Variants in SGCD observed in about 807,000 individuals in gnomAD.
SGCD encodes the protein delta-sarcoglycan.
Under a neutral mutation model 36.6 loss-of-function variants are expected in SGCD, and 18 were observed. The ratio of observed to expected loss-of-function variants is 0.49; its 90% CI spans 0.34 to 0.73. The LOEUF is 0.73. Among genes scored for constraint, SGCD ranks in the 30% least tolerant of loss-of-function variants. The pLI is 0.01. For synonymous variants in SGCD, 133 were observed against 130.6 expected (o/e 1.02, Z -0.12); for missense variants, 387 against 346.7 (o/e 1.12, Z -0.92).
At chr5:156,421,798 T>A (rs1393552586) in intron 3 of SGCD, among the ~76,000 whole-genome samples, 3 of 152,082 alleles carry the variant, frequency 2.0e-5, no homozygotes, top group Non-Finnish European at 4.4e-5. Context: ...TTATTGCCTT[T>A]GGAAAGATTT....
intron 1 of SGCD, among the ~76,000 whole-genome samples, chr5:155,922,797 A>G (rs1039075999): frequency 6.6e-6 from 1 of 152,164 alleles, no homozygotes; most frequent in African/African-American, 2.4e-5. Flanking sequence ...TTAGCCCCCA[A>G]AGAAAAGTTG....
At chr5:156,574,075 T>C (rs1047660264) in intron 4 of SGCD, among the ~76,000 whole-genome samples, 1 of 152,174 alleles carries the variant, frequency 6.6e-6, no homozygotes, top group Non-Finnish European at 1.5e-5. Context: ...CTGTTTTGCA[T>C]ATATCGTCTT....
rs369275327 is a variant in SGCD at position 156,707,735 on chromosome 5, G to A, written c.576-49846G>A. ...GATAGACACTCATTACAGGGAAACTGAAAAATAACTTTTAAACGCCATTTT... is the reference window on the plus strand; with the variant it reads ...GATAGACACTCATTACAGGGAAACTAAAAAATAACTTTTAAACGCCATTTT... On this transcript the variant is annotated intron_variant, in intron 7 of 8. Coordinates refer to ENST00000337851, the MANE Select transcript of SGCD (RefSeq NM_000337.6). Among the ~76,000 whole-genome samples, 117 of 152,234 alleles carry A rather than the reference G, an allele frequency of 7.7e-4. No individual in the cohort carries two copies. In the East Asian group the frequency reaches 0.015, roughly 20 times the overall value.
intron 6 of SGCD, among the ~76,000 whole-genome samples, chr5:156,646,578 A>G (rs1195723219): frequency 5.9e-5 from 9 of 152,216 alleles, no homozygotes; most frequent in Admixed American, 5.9e-4. Context: ...GAGGATTACA[A>G]AAATTCACAC....
intron 3 of SGCD, among the ~76,000 whole-genome samples, chr5:156,481,619 G>C (rs1254588949): frequency 6.6e-6 from 1 of 152,046 alleles, no homozygotes; most frequent in Non-Finnish European, 1.5e-5. Flanking sequence ...TTTCTTATCT[G>C]CATCTATCAG....
At chr5:156,267,994 C>T (rs1561592252) in intron 3 of SGCD, among the ~76,000 whole-genome samples, 1 of 152,300 alleles carries the variant, frequency 6.6e-6, no homozygotes, top group South Asian at 2.1e-4. Context: ...CTGCACCCTC[C>T]ACCCTCACGT....
Position 156,547,742 on chromosome 5 carries a change from TTATA to T in SGCD, c.294+39043_294+39046del, listed in dbSNP as rs529233523. On this transcript the variant is annotated intron_variant, in intron 4 of 8. Coordinates refer to ENST00000337851, the MANE Select transcript of SGCD (RefSeq NM_000337.6). ...CAGGCACGAGCCGATAATATCATTT[TTATA>T]TAAATAAAAGATTGGGAAGGCTGAA... Among the ~76,000 whole-genome samples the T allele has an allele frequency of 7.5e-3, 1,145 of 152,318 alleles. 9 individuals are homozygous for T. The highest frequency in any genetic ancestry group is 0.011 in the Non-Finnish European group (766 of 68,034).
At chr5:155,803,775 A>G in the SGCD span, among the ~76,000 whole-genome samples, 2 of 152,164 alleles carry the variant, frequency 1.3e-5, no homozygotes, top group East Asian at 3.9e-4. Flanking sequence ...CTTGGGAAAT[A>G]TCTGTATCTG....
chr5:156,087,368 G>C (rs1278892851), intron 1 of SGCD, among the ~76,000 whole-genome samples: 1 of 152,174 alleles, frequency 6.6e-6, no homozygotes, highest in Non-Finnish European at 1.5e-5. Context: ...GCTGGGCACG[G>C]TGGCTCATAC....
chr5:156,604,523 G>A (rs535720907), intron 6 of SGCD, among the ~76,000 whole-genome samples: 2 of 151,754 alleles, frequency 1.3e-5, no homozygotes, highest in East Asian at 3.9e-4. Context: ...TGTGATTCCT[G>A]TGGGGCTAAC....
intron 6 of SGCD, among the ~76,000 whole-genome samples, chr5:156,642,905 T>G (rs967434278): frequency 3.3e-5 from 5 of 152,174 alleles, no homozygotes; most frequent in South Asian, 4.1e-4. Context: ...AGGAAACTTA[T>G]CTGCCAAACC....
chr5:156,482,935 A>T (rs1280500316), intron 3 of SGCD, among the ~76,000 whole-genome samples: 1 of 147,288 alleles, frequency 6.8e-6, no homozygotes, highest in Non-Finnish European at 1.5e-5. Context: ...TTTGTTGCAC[A>T]GGACAGTCCT....
At chr5:156,397,314 C>G (rs992315804) in intron 3 of SGCD, among the ~76,000 whole-genome samples, 7 of 152,140 alleles carry the variant, frequency 4.6e-5, no homozygotes, top group African/African-American at 1.7e-4. Flanking sequence ...GCTTCAAGGT[C>G]TACAGATAAT....
At chr5:156,695,914 T>C (rs11740955) in intron 7 of SGCD, among the ~76,000 whole-genome samples, 7,482 of 152,310 alleles carry the variant, frequency 0.049, 255 homozygotes, top group Non-Finnish European at 0.077. Flanking sequence ...TCATCAGACT[T>C]GTCCATTCTC....
At chr5:156,020,655 T>C (rs1759077671) in intron 1 of SGCD, among the ~76,000 whole-genome samples, 1 of 152,202 alleles carries the variant, frequency 6.6e-6, no homozygotes, top group African/African-American at 2.4e-5. Context: ...TTTATAATGG[T>C]GTCTTTACAC....
intron 3 of SGCD, among the ~76,000 whole-genome samples, chr5:156,317,327 G>A (rs185463953): frequency 3.4e-4 from 52 of 152,254 alleles, no homozygotes; most frequent in Non-Finnish European, 1.3e-4. Context: ...AACCATAGGA[G>A]ATGGCTGCTG....
rs941199322 is a variant in SGCD, at chr5:156,595,476, G to A, written c.502+425G>A. 2.0e-5 allele frequency among the ~76,000 whole-genome samples: 3 copies of A among 152,166 alleles called. No individual in the cohort carries two copies. In the East Asian group the frequency reaches 5.8e-4, roughly 29 times the overall value. On this transcript the variant is annotated intron_variant, in intron 6 of 8. Transcript: ENST00000337851. ...GCAGCCTGAACTGACTAAGACAAATGGTGTCTAGAAGAGTGATTTAGGCCA... is the reference window on the plus strand; with the variant it reads ...GCAGCCTGAACTGACTAAGACAAATAGTGTCTAGAAGAGTGATTTAGGCCA...
At chr5:156,163,195 G>A (rs892693064) in intron 3 of SGCD, among the ~76,000 whole-genome samples, 2 of 151,570 alleles carry the variant, frequency 1.3e-5, no homozygotes, top group African/African-American at 4.9e-5. Flanking sequence ...CCAAATGAGG[G>A]ATTATAAGAA....
At chr5:155,945,585 G>A (rs1757421980) in intron 1 of SGCD, among the ~76,000 whole-genome samples, 1 of 152,204 alleles carries the variant, frequency 6.6e-6, no homozygotes, top group South Asian at 2.1e-4. Flanking sequence ...CTTCAGGGAA[G>A]ACTTCTCTCA....
Sources: allele counts gnomAD v4.1 joint callset (sites outside exome capture counted in the v4.1 genomes callset), GRCh38; gene constraint gnomAD v4.1.1; transcripts MANE v1.5; gene names NCBI Gene and HGNC (gene_info 2026-07-23, HGNC 2026-07-21).